Variants in MRGPRX3 observed in about 807,000 individuals in gnomAD.
MRGPRX3 encodes the protein MAS related GPR family member X3, also known as mas-related G protein-coupled receptor member X3.
Under a neutral mutation model 16.5 loss-of-function variants are expected in MRGPRX3, and 14 were observed. The ratio of observed to expected loss-of-function variants is 0.85; its 90% CI spans 0.56 to 1.33. The LOEUF (loss-of-function observed/expected upper bound fraction) is 1.33. Ranked by LOEUF, MRGPRX3 falls within the 40% of genes most tolerant of loss-of-function variation. The probability of loss-of-function intolerance (pLI) is 0.00; values close to 1 mark genes in which losing one functional copy is unlikely to be tolerated. For synonymous variants in MRGPRX3, 199 were observed against 180.1 expected (o/e 1.10, Z -0.84); for missense variants, 449 against 413.0 (o/e 1.09, Z -0.76).
chr11:18,123,364 G>A lies in MRGPRX3; in HGVS notation c.-152+2200G>A, dbSNP rs1016490043. 2.0e-4 allele frequency among the ~76,000 whole-genome samples: 30 copies of A among 152,138 alleles called. No individual in the cohort carries two copies. In the East Asian group the frequency reaches 3.3e-3, roughly 17 times the overall value. ...TAATCCATCTTGAATTAATTTTTGT[G>A]TAAGGTGTAAGGAAGGGATCCAGTT... On this transcript the variant is annotated intron_variant, in intron 1 of 2. Transcript: ENST00000396275.
At chr11:18,133,752 A>C (rs1188540215) in intron 1 of MRGPRX3, among the ~76,000 whole-genome samples, 1 of 152,068 alleles carries the variant, frequency 6.6e-6, no homozygotes, top group East Asian at 1.9e-4. Context: ...TTCCTTCATA[A>C]ATTTCCCAGT....
intron 1 of MRGPRX3, among the ~76,000 whole-genome samples, chr11:18,125,563 G>T (rs557960879): frequency 2.7e-5 from 4 of 146,802 alleles, no homozygotes; most frequent in African/African-American, 1.0e-4. Context: ...AGAGTTTGTC[G>T]TGATTTCTCT....
Position 18,137,660 on chromosome 11 carries a change from G to T in MRGPRX3, c.458G>T (p.Arg153Leu). Residue 153 changes from arginine (R) to leucine (L), a missense_variant, in exon 2 of 2, where the codon CGG becomes CTG. Arg to Leu is a moderately radical substitution (Grantham distance 102, BLOSUM62 -2). Coordinates refer to ENST00000621697, the MANE Select transcript of MRGPRX3 (RefSeq NM_001370464.1). ...CVLLWALSLL[R>L]SILEWMFCDF... ...CTGCTCTGGGCCCTGTCCCTGCTGC[G>T]GAGTATCCTGGAGTGGATGTTCTGT... 1.2e-6 allele frequency: 2 copies of T among 1,614,108 alleles called. No homozygotes were observed. The highest frequency in any genetic ancestry group is 1.7e-6 in the Non-Finnish European group (2 of 1,180,018).
rs749858617 is a variant in MRGPRX3 at position 18,137,366 on chromosome 11, G to T, written c.164G>T (p.Arg55Leu). 1 of 1,614,154 alleles carries T rather than the reference G, an allele frequency of 6.2e-7. No individual in the cohort carries two copies. The highest frequency in any genetic ancestry group is 1.3e-5 in the African/African-American group (1 of 75,028). The change falls in exon 2 of 2, where the codon CGC becomes CTC. Residue 55 changes from arginine to leucine, a missense_variant. Coordinates refer to ENST00000621697, the MANE Select transcript of MRGPRX3 (RefSeq NM_001370464.1). ...NAVVLWLLGC[R>L]MRRNAVSIYI... is the part of the protein sequence containing the mutation. ...GTTGTGCTCTGGCTCCTGGGCTGCC[G>T]CATGCGCAGGAACGCTGTCTCCATC...
At chr11:18,126,825 C>T (rs895973293) in intron 1 of MRGPRX3, among the ~76,000 whole-genome samples, 1 of 152,116 alleles carries the variant, frequency 6.6e-6, no homozygotes, top group African/African-American at 2.4e-5. Flanking sequence ...ATGAACTCAT[C>T]GTTTTTTATG....
chr11:18,138,305 T>C lies in MRGPRX3; in HGVS notation c.*134T>C. 2.9e-6 allele frequency: 4 copies of C among 1,398,828 alleles called. No individual in the cohort carries two copies. Among genetic ancestry groups the C allele is most frequent in the Non-Finnish European group, 3.9e-6 (4 of 1,036,600 alleles). 86.7% of individuals were successfully genotyped at this position (1,398,828 alleles called of 1,614,324 possible). A position where few individuals can be genotyped will look rare whatever the true frequency, so the allele number is the denominator to read the frequency against. ...GTCCCTCAAGGTCTTCGAATAGATG[T>C]TTATCTAACCTGACAGTTGCAGTTT... On this transcript the variant is annotated 3_prime_UTR_variant, in exon 2 of 2. Transcript: ENST00000621697.
At chr11:18,130,027 C>T (rs1370493848), upstream of MRGPRX3, among the ~76,000 whole-genome samples, 2 of 152,094 alleles carry the variant, frequency 1.3e-5, no homozygotes, top group African/African-American at 4.8e-5. Context: ...AAAGGACATA[C>T]CTTAATGTAA....
Position 18,138,303 on chromosome 11 carries a change from T to C in MRGPRX3, c.*132T>C. Reference sequence around the variant, plus strand: ...TGGTCCCTCAAGGTCTTCGAATAGATGTTTATCTAACCTGACAGTTGCAGT... The same window carrying C: ...TGGTCCCTCAAGGTCTTCGAATAGACGTTTATCTAACCTGACAGTTGCAGT... On this transcript the variant is annotated 3_prime_UTR_variant, in exon 2 of 2. Transcript: ENST00000621697. 7.1e-7 allele frequency: 1 copy of C among 1,411,988 alleles called. No individual in the cohort carries two copies. Among genetic ancestry groups the C allele is most frequent in the Non-Finnish European group, 9.5e-7 (1 of 1,047,578 alleles). The allele number at this position is 1,411,988 out of a possible 1,614,324, so 87.5% of individuals were successfully genotyped here. A position where few individuals can be genotyped will look rare whatever the true frequency, so the allele number is the denominator to read the frequency against.
chr11:18,136,769 A>C (rs1849010456), intron 1 of MRGPRX3, among the ~76,000 whole-genome samples: 2 of 152,086 alleles, frequency 1.3e-5, no homozygotes. Flanking sequence ...TCTGGTTCAT[A>C]ATGCATGATC....
At chr11:18,129,988 G>T (rs1246847088), upstream of MRGPRX3, among the ~76,000 whole-genome samples, 1 of 152,120 alleles carries the variant, frequency 6.6e-6, no homozygotes, top group African/African-American at 2.4e-5. Context: ...ATTTCTTTAT[G>T]ATTAAAACCT....
At chr11:18,122,756 C>T (rs560917014) in intron 1 of MRGPRX3, among the ~76,000 whole-genome samples, 4 of 152,262 alleles carry the variant, frequency 2.6e-5, no homozygotes, top group African/African-American at 4.8e-5. Flanking sequence ...CTTGAGGAAT[C>T]GCCACACTCT....
At chr11:18,125,246 G>A (rs1848881128) in intron 1 of MRGPRX3, among the ~76,000 whole-genome samples, 1 of 152,064 alleles carries the variant, frequency 6.6e-6, no homozygotes, top group South Asian at 2.1e-4. Flanking sequence ...GAATGTGTTT[G>A]CTCTTGCTTC....
intron 1 of MRGPRX3, among the ~76,000 whole-genome samples, chr11:18,136,343 TA>T (rs1322533181): frequency 6.6e-6 from 1 of 152,194 alleles, no homozygotes. Context: ...AAAATGCTTC[TA>T]GGGGTTCGGC....
intron 1 of MRGPRX3, among the ~76,000 whole-genome samples, chr11:18,136,722 G>A (rs1308722768): frequency 1.3e-5 from 2 of 152,126 alleles, no homozygotes; most frequent in Non-Finnish European, 2.9e-5. Flanking sequence ...ACCAGGTCCC[G>A]CCATTTTCAC....
upstream of MRGPRX3, among the ~76,000 whole-genome samples, chr11:18,130,162 G>C (rs752427145): frequency 6.6e-6 from 1 of 152,068 alleles, no homozygotes; most frequent in Non-Finnish European, 1.5e-5. Flanking sequence ...CAACATAGTA[G>C]TGGAAGTTTT....
chr11:18,137,726 C>T lies in MRGPRX3; in HGVS notation c.524C>T (p.Thr175Met), dbSNP rs770342530. 1.4e-5 allele frequency: 22 copies of T among 1,613,868 alleles called. No homozygotes were observed. The highest frequency in any genetic ancestry group is 4.0e-5 in the African/African-American group (3 of 74,852). The stretch of plus-strand genomic sequence containing the variant: ...GGTGCTAATTCTGTTTGGTGTGAAA[C>T]GTCAGATTTCATTACAATCGCGTGG... ...FSGANSVWCE[T>M]SDFITIAWLV... The change falls in exon 2 of 2, where the codon ACG (threonine) becomes ATG (methionine). Residue 175 changes from threonine to methionine, a missense_variant. By Grantham distance (81) the Thr-to-Met change is moderately conservative (BLOSUM62 -1). Transcript: ENST00000621697.
At chr11:18,122,425 A>C (rs1349444634) in intron 1 of MRGPRX3, among the ~76,000 whole-genome samples, 1 of 152,116 alleles carries the variant, frequency 6.6e-6, no homozygotes, top group African/African-American at 2.4e-5. Flanking sequence ...CCTGTGAGTG[A>C]GAATATGTGG....
intron 1 of MRGPRX3, among the ~76,000 whole-genome samples, chr11:18,136,826 A>G (rs1422671103): frequency 2.0e-5 from 3 of 152,170 alleles, no homozygotes; most frequent in Admixed American, 6.5e-5. Flanking sequence ...AGGGTGTCAC[A>G]ACCACCTCTT....
chr11:18,135,859 G>A (rs527292651), intron 1 of MRGPRX3, among the ~76,000 whole-genome samples: 186 of 152,008 alleles, frequency 1.2e-3, no homozygotes, highest in African/African-American at 3.5e-3. Flanking sequence ...ATAACCCCCC[G>A]GACAAATAAT....
Sources: allele counts gnomAD v4.1 joint callset (sites outside exome capture counted in the v4.1 genomes callset), GRCh38; gene constraint gnomAD v4.1.1; transcripts MANE v1.5; gene names NCBI Gene and HGNC (gene_info 2026-07-23, HGNC 2026-07-21).